Variants in PCDH15 observed in about 807,000 individuals in gnomAD.
PCDH15 encodes protocadherin related 15.
In PCDH15, 129 loss-of-function variants were observed where a neutral mutation model predicts 178.5. The ratio of observed to expected loss-of-function variants is 0.72; its 90% CI spans 0.63 to 0.84. PCDH15 has a LOEUF of 0.84. Among genes scored for constraint, PCDH15 ranks in the 40% least tolerant of loss-of-function variants. The probability of loss-of-function intolerance (pLI) is 0.00; values close to 1 mark genes in which losing one functional copy is unlikely to be tolerated. For synonymous variants in PCDH15, 800 were observed against 732.0 expected (o/e 1.09, Z -1.50); for missense variants, 2,230 against 2,099.9 (o/e 1.06, Z -1.21).
At chr10:55,077,399 C>CTTCT (rs1213141191) in intron 2 of PCDH15, among the ~76,000 whole-genome samples, 1 of 10,076 alleles carries the variant, frequency 9.9e-5, no homozygotes, top group African/African-American at 3.3e-4. Flanking sequence ...GGTTTTCTCT[C>CTTCT]TTCCTTCCTT....
chr10:54,878,685 G>T (rs1192772189), intron 3 of PCDH15, among the ~76,000 whole-genome samples: 1 of 151,942 alleles, frequency 6.6e-6, no homozygotes, highest in Non-Finnish European at 1.5e-5. Context: ...TAATTTTTAA[G>T]TTCTGGGACA....
chr10:54,407,388 T>G (rs1181558483), intron 3 of PCDH15, among the ~76,000 whole-genome samples: 4 of 152,080 alleles, frequency 2.6e-5, no homozygotes, highest in Non-Finnish European at 5.9e-5. Flanking sequence ...ATAAATATAA[T>G]AATCATATGG....
rs1306931904 is a variant in PCDH15 at position 54,752,499 on chromosome 10, CAA to C, written c.-29+48424_-29+48425del. On this transcript the variant is annotated intron_variant, in intron 1 of 37. Transcript: ENST00000644397. ...CTCAAAAAAAAAAAAAAACAAAAAA[CAA>C]AAAACAAAAAACAAACAAACAAACA... Among the ~76,000 whole-genome samples the C allele has an allele frequency of 1.5e-3, 100 of 66,636 alleles. 10 individuals carry two copies. Among genetic ancestry groups the C allele is most frequent in the Admixed American group, 1.9e-3 (14 of 7,256 alleles). The allele number at this position is 66,636 out of a possible 152,430, so 43.7% of individuals were successfully genotyped here.
intron 2 of PCDH15, among the ~76,000 whole-genome samples, chr10:55,069,390 T>C (rs1304979372): frequency 2.0e-5 from 3 of 148,802 alleles, no homozygotes; most frequent in Non-Finnish European, 4.5e-5. Context: ...ACTCGTCATT[T>C]AGCATTAGGT....
At chr10:55,534,243 G>A (rs924023905) in intron 2 of PCDH15, among the ~76,000 whole-genome samples, 2 of 151,566 alleles carry the variant, frequency 1.3e-5, no homozygotes, top group African/African-American at 4.8e-5. Flanking sequence ...TAATTAAAGT[G>A]TTTTCTCCGA....
At chr10:55,180,819 A>G (rs1839628601) in intron 1 of PCDH15, among the ~76,000 whole-genome samples, 1 of 152,086 alleles carries the variant, frequency 6.6e-6, no homozygotes, top group Non-Finnish European at 1.5e-5. Flanking sequence ...TACCTTTCTA[A>G]AAGTGTTTGT....
chr10:54,709,628 A>AT (rs59318995), intron 1 of PCDH15, among the ~76,000 whole-genome samples: 22 of 132,062 alleles, frequency 1.7e-4, no homozygotes, highest in Non-Finnish European at 2.6e-4. Flanking sequence ...ATATATATAT[A>AT]AAATCACTTT....
intron 2 of PCDH15, among the ~76,000 whole-genome samples, chr10:55,386,615 C>T (rs1837665090): frequency 6.6e-6 from 1 of 151,896 alleles, no homozygotes; most frequent in African/African-American, 2.4e-5. Context: ...CCATGGTCAT[C>T]GAAGGGCAAT....
At chr10:54,779,758 C>G (rs1038881569) in intron 1 of PCDH15, among the ~76,000 whole-genome samples, 4 of 151,808 alleles carry the variant, frequency 2.6e-5, no homozygotes, top group Non-Finnish European at 5.9e-5. Flanking sequence ...GGACTTCATT[C>G]ATTCAATTGG....
intron 2 of PCDH15, among the ~76,000 whole-genome samples, chr10:55,403,427 C>A (rs905620358): frequency 2.0e-5 from 3 of 151,596 alleles, no homozygotes; most frequent in African/African-American, 7.3e-5. Flanking sequence ...TATTTGAAGT[C>A]TTGGCCATAA....
intron 2 of PCDH15, among the ~76,000 whole-genome samples, chr10:55,394,857 T>G (rs1477011100): frequency 1.3e-5 from 2 of 152,124 alleles, no homozygotes; most frequent in African/African-American, 2.4e-5. Context: ...CAGTATCTTC[T>G]GGTGTGCTGG....
intron 3 of PCDH15, among the ~76,000 whole-genome samples, chr10:54,821,631 T>G (rs1277569801): frequency 1.3e-5 from 2 of 152,240 alleles, no homozygotes; most frequent in Admixed American, 1.3e-4. Context: ...GACTACCTCT[T>G]CACAAGACTG....
chr10:54,317,490 A>G, intron 7 of PCDH15, 49 bp from the exon 8 acceptor site: 1 of 1,602,780 alleles, frequency 6.2e-7, no homozygotes, highest in Non-Finnish European at 8.5e-7. Context: ...AATTAGGCAC[A>G]ATAGCCAGGA....
upstream of PCDH15, among the ~76,000 whole-genome samples, chr10:54,805,164 A>T (rs1201545386): frequency 6.6e-6 from 1 of 151,782 alleles, no homozygotes; most frequent in Non-Finnish European, 1.5e-5. Flanking sequence ...TATGTCTTTG[A>T]GAAAGGAAGA....
intron 23 of PCDH15, among the ~76,000 whole-genome samples, chr10:53,955,647 C>G (rs1016889057): frequency 4.6e-5 from 7 of 152,164 alleles, no homozygotes; most frequent in Admixed American, 1.3e-4. Context: ...TTACCTTCCC[C>G]TACACCCTAC....
intron 20 of PCDH15, among the ~76,000 whole-genome samples, chr10:54,005,294 A>C (rs1341092336): frequency 6.6e-6 from 1 of 152,170 alleles, no homozygotes; most frequent in Non-Finnish European, 1.5e-5. Flanking sequence ...AGGCAACCAA[A>C]GAAAAATGAA....
chr10:53,809,055 C>G, intron 37 of PCDH15: 1 of 1,611,924 alleles, frequency 6.2e-7, no homozygotes, highest in Non-Finnish European at 8.5e-7. Flanking sequence ...CAACCATGGG[C>G]CTTCTTCTTG....
chr10:54,506,967 T>C (rs2137606664), intron 3 of PCDH15, among the ~76,000 whole-genome samples: 1 of 152,036 alleles, frequency 6.6e-6, no homozygotes, highest in East Asian at 1.9e-4. Context: ...TTCAAAAAAA[T>C]AATAATATGC....
intron 3 of PCDH15, among the ~76,000 whole-genome samples, chr10:54,810,451 A>G (rs1236464659): frequency 6.6e-6 from 1 of 152,102 alleles, no homozygotes; most frequent in Admixed American, 6.5e-5. Context: ...TGGTTTGCCT[A>G]CTAATGTACC....
Sources: gnomAD v4.1 joint callset for allele counts (sites outside exome capture counted in the v4.1 genomes callset) on GRCh38, gnomAD v4.1.1 for gene constraint, MANE v1.5 for transcripts, NCBI Gene and HGNC (gene_info 2026-07-23, HGNC 2026-07-21) for gene names.